NKX2-5: variants seen among roughly 807,000 people sequenced by gnomAD.
NKX2-5 encodes the protein NK2 homeobox 5.
A neutral mutation model predicts 24.5 loss-of-function variants in NKX2-5; 3 were observed. The ratio of observed to expected loss-of-function variants is 0.12; its 90% CI spans 0.06 to 0.32. The LOEUF (loss-of-function observed/expected upper bound fraction) is 0.32. NKX2-5 is among the 10% of genes least tolerant of loss of function. NKX2-5 has a pLI of 1.00. For missense variants in NKX2-5, 429 were observed against 452.4 expected, an observed-to-expected ratio of 0.95 and a Z score of 0.47; for synonymous variants, 215 against 217.6, an observed-to-expected ratio of 0.99 and a Z score of 0.11.
rs763099269 is a variant in NKX2-5 at position 173,233,505 on chromosome 5, C to CAAAAAAAAAAAAAAAAA, written c.335-297_335-296insTTTTTTTTTTTTTTTTT. 8.9e-5 allele frequency: 45 copies of CAAAAAAAAAAAAAAAAA among 503,590 alleles called. 1 individual carries two copies. Among genetic ancestry groups the CAAAAAAAAAAAAAAAAA allele is most frequent in the African/African-American group, 1.5e-4 (5 of 32,376 alleles). The allele number at this position is 503,590 out of a possible 1,614,324, so 31.2% of individuals were successfully genotyped here. The stretch of plus-strand genomic sequence containing the variant: ...GACGGTGACTTAAAATTTCAGGCTG[C>CAAAAAAAAAAAAAAAAA]AAAAAAAAAAAAAATAAATAAAAAA... On this transcript the variant is annotated intron_variant, in intron 1 of 1. Coordinates refer to ENST00000329198, the MANE Select transcript of NKX2-5 (RefSeq NM_004387.4).
chr5:173,233,118 G>A lies in NKX2-5; in HGVS notation c.426C>T (p.Arg142=). 1 of 1,599,178 alleles carries A rather than the reference G, an allele frequency of 6.3e-7. No individual in the cohort carries two copies. Among genetic ancestry groups the A allele is most frequent in the Non-Finnish European group, 8.5e-7 (1 of 1,173,924 alleles). Residue 142 remains arginine (R), a synonymous_variant, in exon 2 of 2, where the codon CGC becomes CGT. Coordinates refer to ENST00000329198, the MANE Select transcript of NKX2-5 (RefSeq NM_004387.4). The part of the protein sequence containing the change: ...RPRARRRRKP[R]VLFSQAQVYE... The stretch of plus-strand genomic sequence containing the variant: ...AGACCTGCGCCTGCGAGAAGAGCAC[G>A]CGCGGCTTCCTCCGCCGTCGCGCCC...
intron 1 of NKX2-5, chr5:173,234,282 G>C: frequency 1.7e-6 from 2 of 1,203,048 alleles, no homozygotes; most frequent in Non-Finnish European, 2.1e-6. Flanking sequence ...GCTGCAGAAA[G>C]AAGGTCCAGG....
intron 1 of NKX2-5, 108 bp from the exon 2 acceptor site, chr5:173,233,317 G>T (rs904138561): frequency 6.5e-7 from 1 of 1,538,734 alleles, no homozygotes; most frequent in African/African-American, 1.4e-5. Flanking sequence ...ACTGTGTCCT[G>T]CCTGGAGCGC....
chr5:173,233,512 A>T lies in NKX2-5; in HGVS notation c.335-303T>A, dbSNP rs1391183758. 16 of 880,148 alleles carry T rather than the reference A, an allele frequency of 1.8e-5. 1 individual carries two copies. Among genetic ancestry groups the T allele is most frequent in the South Asian group, 3.3e-5 (2 of 60,678 alleles). 54.5% of individuals were successfully genotyped at this position (880,148 alleles called of 1,614,324 possible). On this transcript the variant is annotated intron_variant, in intron 1 of 1. Coordinates refer to ENST00000329198, the MANE Select transcript of NKX2-5 (RefSeq NM_004387.4). Reference sequence around the variant, plus strand: ...ACTTAAAATTTCAGGCTGCAAAAAAAAAAAAAATAAATAAAAAAATAAAAA... The same window carrying T: ...ACTTAAAATTTCAGGCTGCAAAAAATAAAAAAATAAATAAAAAAATAAAAA...
Position 173,233,229 on chromosome 5 carries a change from C to A in NKX2-5, c.335-20G>T. ...ACAGCTCTGAGGGGGAACAGAGAGG[C>A]AGAGAGACGCTTGGTAAGAGCGGCT... On this transcript the variant is annotated intron_variant, in intron 1 of 1. Coordinates refer to ENST00000329198, the MANE Select transcript of NKX2-5 (RefSeq NM_004387.4). 1 of 1,596,368 alleles carries A rather than the reference C, an allele frequency of 6.3e-7. No individual in the cohort carries two copies. The highest frequency in any genetic ancestry group is 1.1e-5 in the South Asian group (1 of 90,068).
chr5:173,232,775 G>T lies in NKX2-5; in HGVS notation c.769C>A (p.Pro257Thr), dbSNP rs387906776. ...PYGYNAYPAY[P>T]GYGGAACSPG... The stretch of plus-strand genomic sequence containing the variant: ...CTGCAGGCCGCGCCGCCGTAACCCG[G>T]ATAGGCGGGGTAGGCGTTATAACCG... The change falls in exon 2 of 2, where the codon CCG (proline) becomes ACG (threonine). Residue 257 changes from proline (P) to threonine (T), a missense_variant. By Grantham distance (38) the Pro-to-Thr change is conservative (BLOSUM62 -1). Coordinates refer to ENST00000329198, the MANE Select transcript of NKX2-5 (RefSeq NM_004387.4). This position sits in a 1 kb window ranked among gnomAD's most constrained non-coding sequence, Gnocchi z 5.9. 9.9e-6 allele frequency: 16 copies of T among 1,609,980 alleles called. No individual in the cohort carries two copies. The Admixed American group carries it at 2.7e-4, about 27-fold the overall frequency.
At position 173,232,591 on chromosome 5, in the gene NKX2-5, A is replaced by C; in HGVS notation, c.953T>G (p.Leu318Arg). 1.2e-6 allele frequency: 2 copies of C among 1,611,496 alleles called. No individual in the cohort carries two copies. The highest frequency in any genetic ancestry group is 2.2e-5 in the East Asian group (1 of 44,850). ...TCCCTACCAGGCTCGGATACCATGC[A>C]GCGTGGACACTCCCGAGTTGCTCTG... is the stretch of plus-strand genomic sequence containing the variant. ...IPQSNSGVST[L>R]HGIRAW The change falls in exon 2 of 2, where the codon CTG (leucine) becomes CGG (arginine). Residue 318 changes from leucine (L) to arginine (R), a missense_variant. By Grantham distance (102) the Leu-to-Arg change is moderately radical. Around this residue, in one of 3 missense-constraint regions of NKX2-5, gnomAD observed 183 missense variants for 185.9 expected, o/e 0.98. Coordinates refer to ENST00000329198, the MANE Select transcript of NKX2-5 (RefSeq NM_004387.4). The surrounding 1 kb of genome is among the most constrained non-coding windows in gnomAD (Gnocchi z 5.9).
rs748427974 is a variant in NKX2-5, at chr5:173,232,520, G to A, written c.*49C>T. ...GCCCCTTCTCCCCCCGAGAGTCAGGGAGCTGTTGAGGTGGGATCGGTCAGG... is the reference window on the plus strand; with the variant it reads ...GCCCCTTCTCCCCCCGAGAGTCAGGAAGCTGTTGAGGTGGGATCGGTCAGG... On this transcript the variant is annotated 3_prime_UTR_variant, in exon 2 of 2. Transcript: ENST00000329198. The surrounding 1 kb of genome is among the most constrained non-coding windows in gnomAD (Gnocchi z 5.9). 1 of 1,597,488 alleles carries A rather than the reference G, an allele frequency of 6.3e-7. No individual in the cohort carries two copies. Among genetic ancestry groups the A allele is most frequent in the Non-Finnish European group, 8.5e-7 (1 of 1,178,688 alleles).
At chr5:173,233,570 G>T (rs528573567) in intron 1 of NKX2-5, 233 of 795,510 alleles carry the variant, frequency 2.9e-4, no homozygotes, top group Non-Finnish European at 3.7e-4. Flanking sequence ...GCTCTGGGGT[G>T]AACTGAATTA....
At chr5:173,234,425 C>T (rs531139209) in intron 1 of NKX2-5, 5 of 701,668 alleles carry the variant, frequency 7.1e-6, no homozygotes, top group East Asian at 1.3e-4. Context: ...CTGCTTGTCT[C>T]TCTGTTCTGT....
chr5:173,233,763 C>A, intron 1 of NKX2-5: 1 of 864,408 alleles, frequency 1.2e-6, no homozygotes, highest in Non-Finnish European at 1.4e-6. Context: ...GGTGGGCAGG[C>A]GGCCTCGGAA....
At chr5:173,234,232 G>T in intron 1 of NKX2-5, 2 of 1,222,276 alleles carry the variant, frequency 1.6e-6, no homozygotes, top group Admixed American at 3.0e-5. Flanking sequence ...CTTTCCTGGC[G>T]CAAAGAAAGA....
chr5:173,232,463 C>T lies in NKX2-5; in HGVS notation c.*106G>A. 6.5e-7 allele frequency: 1 copy of T among 1,536,536 alleles called. No homozygotes were observed. Among genetic ancestry groups the T allele is most frequent in the Non-Finnish European group, 8.7e-7 (1 of 1,147,138 alleles). Reference sequence around the variant, plus strand: ...TCCTAGGTCTCCGCAGGAGTGAATGCAAAATCCAGGGGACTCAGGGTCATG... The same window carrying T: ...TCCTAGGTCTCCGCAGGAGTGAATGTAAAATCCAGGGGACTCAGGGTCATG... On this transcript the variant is annotated 3_prime_UTR_variant, in exon 2 of 2. Coordinates refer to ENST00000329198, the MANE Select transcript of NKX2-5 (RefSeq NM_004387.4). This position sits in a 1 kb window ranked among gnomAD's most constrained non-coding sequence, Gnocchi z 5.9.
At chr5:173,233,523 ATAAAAAAAT>A (rs1761384027) in intron 1 of NKX2-5, 23 of 576,622 alleles carry the variant, frequency 4.0e-5, no homozygotes, top group Non-Finnish European at 5.4e-5. Flanking sequence ...AAAAAAATAA[ATAAAAAAAT>A]AAAAAAATAA....
rs556541788 is a variant in NKX2-5, at chr5:173,233,517, A to T, written c.335-308T>A. ...AAATTTCAGGCTGCAAAAAAAAAAA[A>T]AATAAATAAAAAAATAAAAAAATAA... is the stretch of plus-strand genomic sequence containing the variant. On this transcript the variant is annotated intron_variant, in intron 1 of 1. Transcript: ENST00000329198. 1.8e-4 allele frequency: 137 copies of T among 768,160 alleles called. 2 individuals carry two copies. Among genetic ancestry groups the T allele is most frequent in the African/African-American group, 9.7e-4 (47 of 48,222 alleles). 47.6% of individuals were successfully genotyped at this position (768,160 alleles called of 1,614,324 possible). A position where few individuals can be genotyped will look rare whatever the true frequency, so the allele number is the denominator to read the frequency against.
rs1371996308 is a variant in NKX2-5, at chr5:173,233,568, G to A, written c.335-359C>T. Reference sequence around the variant, plus strand: ...AAATAAAACCAGGTGATGCTCTGGGGTGAACTGAATTAGGGCTAGTTTGGT... The same window carrying A: ...AAATAAAACCAGGTGATGCTCTGGGATGAACTGAATTAGGGCTAGTTTGGT... On this transcript the variant is annotated intron_variant, in intron 1 of 1. Transcript: ENST00000329198. 6 of 811,420 alleles carry A rather than the reference G, an allele frequency of 7.4e-6. No individual in the cohort carries two copies. The Admixed American group carries it at 9.8e-5, about 13-fold the overall frequency. The allele number at this position is 811,420 out of a possible 1,614,324, so 50.3% of individuals were successfully genotyped here.
intron 1 of NKX2-5, 80 bp downstream of exon 1, chr5:173,234,670 G>T (rs1196728955): frequency 3.1e-6 from 4 of 1,270,496 alleles, no homozygotes; most frequent in Non-Finnish European, 4.2e-6. Context: ...AAGGGCGCGT[G>T]TCTCCTCCTC....
At position 173,232,327 on chromosome 5, in the gene NKX2-5, C is replaced by T. The variant is rs1307243026; in HGVS notation, c.*242G>A. 4.2e-6 allele frequency: 3 copies of T among 718,270 alleles called. No homozygotes were observed. In the Admixed American group the frequency reaches 8.9e-5, roughly 21 times the overall value. The allele number at this position is 718,270 out of a possible 1,614,324, so 44.5% of individuals were successfully genotyped here. A position where few individuals can be genotyped will look rare whatever the true frequency, so the allele number is the denominator to read the frequency against. On this transcript the variant is annotated 3_prime_UTR_variant, in exon 2 of 2. Coordinates refer to ENST00000329198, the MANE Select transcript of NKX2-5 (RefSeq NM_004387.4). The surrounding 1 kb of genome is among the most constrained non-coding windows in gnomAD (Gnocchi z 5.9). ...GCCCATGGACTCTCGGAGGGCACTC[C>T]TGGGGGGACAGCTAAGACACCAGGC... is the stretch of plus-strand genomic sequence containing the variant.
chr5:173,234,510 C>CG (rs1037468278), intron 1 of NKX2-5, among the ~76,000 whole-genome samples: 10 of 152,092 alleles, frequency 6.6e-5, no homozygotes, highest in African/African-American at 1.2e-4. Context: ...TTTGTTAGGC[C>CG]GGGGGGAAAC....
Sources: allele counts gnomAD v4.1 joint callset (sites outside exome capture counted in the v4.1 genomes callset), GRCh38; gene constraint gnomAD v4.1.1; regional missense constraint gnomAD v4.1.1; non-coding constraint Gnocchi (gnomAD v3.1); transcripts MANE v1.5; gene names NCBI Gene and HGNC (gene_info 2026-07-23, HGNC 2026-07-21).